The following FLT1 variants were observed in gnomAD, a reference collection of about 807,000 sequenced individuals.
FLT1 encodes fms related receptor tyrosine kinase 1.
Under a neutral mutation model 156.3 loss-of-function variants are expected in FLT1, and 49 were observed. The observed-to-expected ratio is 0.31, with a 90% confidence interval of 0.25 to 0.40. The LOEUF (loss-of-function observed/expected upper bound fraction) is 0.40, where lower values mean the gene tolerates loss of function less well. FLT1 is among the 10% of genes least tolerant of loss of function. FLT1 has a pLI of 1.00. For synonymous variants in FLT1, 594 were observed against 583.8 expected (o/e 1.02, Z -0.25); for missense variants, 1,322 against 1,637.2 (o/e 0.81, Z 3.32).
At chr13:28,349,903 A>G (rs1302639946) in intron 15 of FLT1, among the ~76,000 whole-genome samples, 2 of 152,210 alleles carry the variant, frequency 1.3e-5, no homozygotes, top group African/African-American at 2.4e-5. Context: ...AAATATTAGA[A>G]TTTTACAGTA....
chr13:28,400,288 G>A (rs1875352472), intron 11 of FLT1, among the ~76,000 whole-genome samples: 1 of 152,100 alleles, frequency 6.6e-6, no homozygotes, highest in African/African-American at 2.4e-5. Flanking sequence ...TTTTACATAA[G>A]CTGCAAGCTG....
chr13:28,474,165 CA>C (rs112350106), intron 1 of FLT1, among the ~76,000 whole-genome samples: 22,632 of 151,910 alleles, frequency 0.15, 2,464 homozygotes, highest in African/African-American at 0.28. Flanking sequence ...TGTTAAAAAA[CA>C]AAAAACAGGC....
At chr13:28,316,156 C>G (rs1005667309) in intron 25 of FLT1, among the ~76,000 whole-genome samples, 6 of 152,254 alleles carry the variant, frequency 3.9e-5, no homozygotes, top group Non-Finnish European at 7.3e-5. Flanking sequence ...CGCTTCCCTA[C>G]GCTCAGGCAG....
intron 15 of FLT1, among the ~76,000 whole-genome samples, chr13:28,353,400 C>T (rs1872790340): frequency 6.6e-6 from 1 of 151,730 alleles, no homozygotes; most frequent in Admixed American, 6.6e-5. Context: ...TGGTGAGACC[C>T]CGTCTCTACT....
At chr13:28,359,201 A>G (rs1045871103) in intron 14 of FLT1, among the ~76,000 whole-genome samples, 2 of 152,224 alleles carry the variant, frequency 1.3e-5, no homozygotes, top group Middle Eastern at 3.2e-3. Flanking sequence ...CCATCAACCA[A>G]TGGAATAGGC....
intron 14 of FLT1, among the ~76,000 whole-genome samples, chr13:28,378,194 A>T (rs1463704306): frequency 6.6e-6 from 1 of 151,866 alleles, no homozygotes; most frequent in Non-Finnish European, 1.5e-5. Context: ...GGCTATCAGC[A>T]TGCGCCACCA....
At chr13:28,326,757 C>T (rs568044821) in intron 20 of FLT1, among the ~76,000 whole-genome samples, 162 of 152,238 alleles carry the variant, frequency 1.1e-3, no homozygotes, top group African/African-American at 3.5e-3. Flanking sequence ...AACTCCTGAC[C>T]TCACAAGATC....
At chr13:28,442,496 C>A (rs554081460) in intron 3 of FLT1, among the ~76,000 whole-genome samples, 80 of 152,192 alleles carry the variant, frequency 5.3e-4, no homozygotes, top group Admixed American at 1.0e-3. Flanking sequence ...TGTGGATCCC[C>A]AAAAAACTTA....
At chr13:28,398,895 A>T in intron 11 of FLT1, 1 of 630,008 alleles carries the variant, frequency 1.6e-6, no homozygotes, top group South Asian at 2.0e-5. Context: ...AGGAAAGCGC[A>T]TATGAAGGCA....
At position 28,339,162 on chromosome 13, in the gene FLT1, T is replaced by C; in HGVS notation, c.2488+6A>G. On this transcript the variant is annotated splice_donor_region_variant and intron_variant, in intron 17 of 29. Transcript: ENST00000282397. ...GGTTTATGAATCTGTTGAACAAATA[T>C]CTTACCCAGTTTAAGTCTCTCCCGG... 3 of 1,613,816 alleles carry C rather than the reference T, an allele frequency of 1.9e-6. No homozygotes were observed. The highest frequency in any genetic ancestry group is 1.3e-5 in the African/African-American group (1 of 75,044).
In FLT1 at chr13:28,495,053, G is replaced by A. The variant is rs953903115; in HGVS notation, c.-210C>T. 7 of 472,414 alleles carry A rather than the reference G, an allele frequency of 1.5e-5. No homozygotes were observed. The highest frequency in any genetic ancestry group is 2.6e-5 in the Non-Finnish European group (7 of 272,574). The allele number at this position is 472,414 out of a possible 1,614,324, so 29.3% of individuals were successfully genotyped here. On this transcript the variant is annotated 5_prime_UTR_variant, in exon 1 of 30. Coordinates refer to ENST00000282397, the MANE Select transcript of FLT1 (RefSeq NM_002019.4). This position sits in a 1 kb window ranked among gnomAD's most constrained non-coding sequence, Gnocchi z 4.1. The stretch of plus-strand genomic sequence containing the variant: ...GCACCCGAGCCCCGGAGCCCGCTCC[G>A]AGCCGCCGCCGCTGCCGGGGAGGAG...
intron 14 of FLT1, chr13:28,368,318 A>G (rs928551982): frequency 2.1e-5 from 12 of 568,644 alleles, no homozygotes; most frequent in African/African-American, 1.7e-4. Context: ...ATGCCTGGCT[A>G]ATTTTGTATT....
Position 28,328,645 on chromosome 13 carries a change from A to C in FLT1, c.2707+970T>G, listed in dbSNP as rs867205224. Among the ~76,000 whole-genome samples the C allele has an allele frequency of 5.3e-5, 8 of 152,350 alleles. No individual in the cohort carries two copies. In the Middle Eastern group the frequency reaches 0.014, roughly 259 times the overall value. On this transcript the variant is annotated intron_variant, in intron 19 of 29. Transcript: ENST00000282397. ...GGTTCCAGAACGGGAAGTTGCTTCC[A>C]GAGTTTTTTATGTCCCCTCTACGGC... is the stretch of plus-strand genomic sequence containing the variant.
At chr13:28,364,583 T>C (rs1219506540) in intron 14 of FLT1, among the ~76,000 whole-genome samples, 1 of 152,198 alleles carries the variant, frequency 6.6e-6, no homozygotes, top group East Asian at 1.9e-4. Flanking sequence ...TTGACCTAGA[T>C]TTTCTTTTGG....
chr13:28,393,966 G>A (rs778286756), intron 12 of FLT1, among the ~76,000 whole-genome samples: 2 of 152,150 alleles, frequency 1.3e-5, no homozygotes, highest in African/African-American at 2.4e-5. Context: ...TAAGAAGAGC[G>A]TTAAAATTTT....
At position 28,345,569 on chromosome 13, in the gene FLT1, C is replaced by G. The variant is rs2138859519; in HGVS notation, c.2249-18G>C. ...CGAGGTTCCTGGAGAGAAAAAAAAT[C>G]ACAATAGTGGTGCAACAAAGAAATT... On this transcript the variant is annotated intron_variant, in intron 15 of 29. Coordinates refer to ENST00000282397, the MANE Select transcript of FLT1 (RefSeq NM_002019.4). 1 of 1,428,062 alleles carries G rather than the reference C, an allele frequency of 7.0e-7. No homozygotes were observed. Among genetic ancestry groups the G allele is most frequent in the Non-Finnish European group, 9.8e-7 (1 of 1,015,964 alleles). 88.5% of individuals were successfully genotyped at this position (1,428,062 alleles called of 1,614,324 possible).
intron 24 of FLT1, among the ~76,000 whole-genome samples, chr13:28,317,959 G>A (rs538035417): frequency 3.3e-5 from 3 of 91,520 alleles, no homozygotes; most frequent in African/African-American, 5.6e-5. Flanking sequence ...TTGGGTTAGT[G>A]AGCTTTTGTT....
At chr13:28,391,798 C>T (rs1406884015) in intron 12 of FLT1, among the ~76,000 whole-genome samples, 1 of 152,202 alleles carries the variant, frequency 6.6e-6, no homozygotes, top group Non-Finnish European at 1.5e-5. Flanking sequence ...CATCAGTTCA[C>T]TTTGGGGCTG....
At chr13:28,488,501 G>T (rs1337605978) in intron 1 of FLT1, among the ~76,000 whole-genome samples, 1 of 142,308 alleles carries the variant, frequency 7.0e-6, no homozygotes, top group Non-Finnish European at 1.5e-5. Context: ...ACAAAACCAC[G>T]TGGGGATTTT....
Sources: allele counts gnomAD v4.1 joint callset (sites outside exome capture counted in the v4.1 genomes callset), GRCh38; gene constraint gnomAD v4.1.1; non-coding constraint Gnocchi (gnomAD v3.1); transcripts MANE v1.5; gene names NCBI Gene and HGNC (gene_info 2026-07-23, HGNC 2026-07-21).